Variants in MSH6 observed in about 807,000 individuals in gnomAD.
MSH6 encodes DNA mismatch repair protein Msh6.
Under a neutral mutation model 119.1 loss-of-function variants are expected in MSH6, and 85 were observed. That is an observed-to-expected ratio of 0.71 (90% CI 0.60 to 0.85). The LOEUF (loss-of-function observed/expected upper bound fraction) is 0.85, where lower values mean the gene tolerates loss of function less well. Among genes scored for constraint, MSH6 ranks in the 40% least tolerant of loss-of-function variants. The pLI is 0.00. For synonymous variants in MSH6, 830 were observed against 586.9 expected (o/e 1.41, Z -5.99); for missense variants, 2,163 against 1,655.3 (o/e 1.31, Z -5.32).
At position 47,783,275 on chromosome 2, in the gene MSH6, T is replaced by G. The variant is rs1668112357; in HGVS notation, c.42T>G (p.Ser14=). Residue 14 remains serine (S), a synonymous_variant, in exon 1 of 10, where the codon TCT becomes TCG. Coordinates refer to ENST00000234420, the MANE Select transcript of MSH6 (RefSeq NM_000179.3). ...CCCTGTACAGCTTCTTCCCCAAGTC[T>G]CCGGCGCTGAGTGATGCCAACAAGG... ...QSTLYSFFPK[S]PALSDANKAS... 6.2e-7 allele frequency: 1 copy of G among 1,612,144 alleles called. No homozygotes were observed. Among genetic ancestry groups the G allele is most frequent in the Non-Finnish European group, 8.5e-7 (1 of 1,179,580 alleles).
downstream of MSH6, chr2:47,808,094 G>A (rs181828069): frequency 3.8e-4 from 608 of 1,585,982 alleles, 1 homozygote; most frequent in Non-Finnish European, 4.9e-4. Context: ...TACAATGGCA[G>A]GACTTTTTCT....
chr2:47,784,136 G>A lies in MSH6; in HGVS notation c.260+643G>A. Reference sequence around the variant, plus strand: ...GGGCCGCCGAGGGGGTGGGCCACGAGCTGCGAGCGCGGGGGGGTGTGTCAC... The same window carrying A: ...GGGCCGCCGAGGGGGTGGGCCACGAACTGCGAGCGCGGGGGGGTGTGTCAC... On this transcript the variant is annotated intron_variant, in intron 1 of 9. Transcript: ENST00000234420. The A allele has an allele frequency of 3.0e-6, 3 of 1,005,382 alleles. No individual in the cohort carries two copies. The South Asian group carries it at 1.4e-4, about 47-fold the overall frequency. 62.3% of individuals were successfully genotyped at this position (1,005,382 alleles called of 1,614,324 possible).
intron 2 of MSH6, among the ~76,000 whole-genome samples, chr2:47,793,365 C>T (rs560381841): frequency 5.7e-4 from 82 of 144,542 alleles, no homozygotes; most frequent in African/African-American, 1.9e-3. Flanking sequence ...CACGGTGGCT[C>T]GCGCCTGTAA....
intron 2 of MSH6, among the ~76,000 whole-genome samples, chr2:47,792,605 C>T (rs1391452307): frequency 1.4e-4 from 21 of 152,200 alleles, no homozygotes; most frequent in Non-Finnish European, 2.1e-4. Flanking sequence ...CTGCCCACTT[C>T]GGCCTCCCAA....
intron 3 of MSH6, 57 bp from the exon 4 acceptor site, chr2:47,798,554 A>C: frequency 6.3e-7 from 1 of 1,576,110 alleles, no homozygotes; most frequent in Admixed American, 1.7e-5. Context: ...GAACTGTCTT[A>C]CATTATGGTT....
At position 47,798,814 on chromosome 2, in the gene MSH6, A is replaced by G. The variant is rs374486449; in HGVS notation, c.831A>G (p.Glu277=). 1 of 1,614,172 alleles carries G rather than the reference A, an allele frequency of 6.2e-7. No individual in the cohort carries two copies. Among genetic ancestry groups the G allele is most frequent in the Non-Finnish European group, 8.5e-7 (1 of 1,180,026 alleles). The stretch of plus-strand genomic sequence containing the variant: ...CTAAGGAGGAAGGAAGCAGTGATGA[A>G]ATAAGCAGTGGAGTGGGGGATAGTG... ...PDTKEEGSSD[E]ISSGVGDSES... The change falls in exon 4 of 10, where the codon GAA becomes GAG. Residue 277 remains glutamate, a synonymous_variant. Coordinates refer to ENST00000234420, the MANE Select transcript of MSH6 (RefSeq NM_000179.3).
At chr2:47,804,618 TAA>T (rs1273323482) in intron 5 of MSH6, among the ~76,000 whole-genome samples, 5 of 151,982 alleles carry the variant, frequency 3.3e-5, no homozygotes, top group African/African-American at 1.2e-4. Flanking sequence ...TCAGTAGTTT[TAA>T]AGAGCTCCTA....
intron 8 of MSH6, 21 bp from the exon 9 acceptor site, chr2:47,806,431 C>A (rs2104550062): frequency 6.2e-7 from 1 of 1,613,894 alleles, no homozygotes; most frequent in South Asian, 1.1e-5. Context: ...ACATGTATCG[C>A]TAATATTTTT....
chr2:47,789,297 A>T (rs1668580626), intron 1 of MSH6: 1 of 376,790 alleles, frequency 2.7e-6, no homozygotes, highest in Admixed American at 3.9e-5. Context: ...AAAGGATAAA[A>T]TGATGTTGAA....
chr2:47,799,288 G>T lies in MSH6; in HGVS notation c.1305G>T (p.Leu435=), dbSNP rs786203803. The change falls in exon 4 of 10, where the codon CTG becomes CTT. Residue 435 remains leucine (L), a synonymous_variant. Coordinates refer to ENST00000234420, the MANE Select transcript of MSH6 (RefSeq NM_000179.3). ...ICYKVGKFYE[L]YHMDALIGVS... ...ACAAGGTGGGGAAATTTTATGAGCT[G>T]TACCACATGGATGCTCTTATTGGAG... 6.2e-7 allele frequency: 1 copy of T among 1,613,948 alleles called. No individual in the cohort carries two copies. The highest frequency in any genetic ancestry group is 8.5e-7 in the Non-Finnish European group (1 of 1,180,018).
At position 47,799,621 on chromosome 2, in the gene MSH6, G is replaced by A. The variant is rs1669356333; in HGVS notation, c.1638G>A (p.Glu546=). ...ATCTTCTTAGCCTCAAAGAAAAAGA[G>A]GAAGATTCTTCTGGCCATACTCGTG... The part of the protein sequence containing the change: ...SKYLLSLKEK[E]EDSSGHTRAY... The change falls in exon 4 of 10, where the codon GAG becomes GAA. Residue 546 remains glutamate (E), a synonymous_variant. Coordinates refer to ENST00000234420, the MANE Select transcript of MSH6 (RefSeq NM_000179.3). The A allele has an allele frequency of 6.2e-7, 1 of 1,614,000 alleles. No individual in the cohort carries two copies. Among genetic ancestry groups the A allele is most frequent in the African/African-American group, 1.3e-5 (1 of 74,910 alleles).
intron 5 of MSH6, 148 bp downstream of exon 5, chr2:47,803,833 A>C: frequency 3.6e-6 from 3 of 840,272 alleles, no homozygotes; most frequent in Non-Finnish European, 5.7e-6. Flanking sequence ...TGTGTTATAA[A>C]ATTGAGAATT....
At position 47,795,855 on chromosome 2, in the gene MSH6, C is replaced by T. The variant is rs142060571; in HGVS notation, c.458-39C>T. ...CTGGGATTACAGGCGTGAGCCTCTG[C>T]ACCCGGCCCTTATTGTTTATAAATA... On this transcript the variant is annotated intron_variant, in intron 2 of 9. Transcript: ENST00000234420. 2,483 of 1,588,428 alleles carry T rather than the reference C, an allele frequency of 1.6e-3. 47 individuals are homozygous for T. The highest frequency in any genetic ancestry group is 1.4e-4 in the East Asian group (6 of 44,068).
chr2:47,784,071 C>A, intron 1 of MSH6: 2 of 1,009,522 alleles, frequency 2.0e-6, no homozygotes, highest in Non-Finnish European at 2.4e-6. Context: ...CCGCGGTCGC[C>A]GAGACGCCTT....
At position 47,803,552 on chromosome 2, in the gene MSH6, C is replaced by CT. The variant is rs267608092; in HGVS notation, c.3312dup (p.Gly1105TrpfsTer3). On this transcript the variant is annotated frameshift_variant, in exon 5 of 10. Transcript: ENST00000234420. LOFTEE classifies it high-confidence loss of function. ...TCACGCCATCCTTGCATTACGAAGA[C>CT]TTTTTTTGGAGATGATTTTATTCCT... is the stretch of plus-strand genomic sequence containing the variant. 1.2e-6 allele frequency: 2 copies of CT among 1,614,052 alleles called. No individual in the cohort carries two copies. Among genetic ancestry groups the CT allele is most frequent in the South Asian group, 1.1e-5 (1 of 91,068 alleles).
Position 47,805,012 on chromosome 2 carries a change from G to A in MSH6, c.3541G>A (p.Asp1181Asn), listed in dbSNP as rs762406364. The A allele has an allele frequency of 2.5e-6, 4 of 1,612,522 alleles. No individual in the cohort carries two copies. Among genetic ancestry groups the A allele is most frequent in the Non-Finnish European group, 3.4e-6 (4 of 1,178,674 alleles). Residue 1181 changes from aspartate (D) to asparagine (N), a missense_variant, in exon 6 of 10, where the codon GAC (aspartate) becomes AAC (asparagine). Physicochemically the swap from Asp to Asn is conservative, Grantham distance 23. Coordinates refer to ENST00000234420, the MANE Select transcript of MSH6 (RefSeq NM_000179.3). ...AGTGTTTACTAGACTTGGTGCCTCAGACAGAATAATGTCAGGTGAGTTTTT... is the reference window on the plus strand; with the variant it reads ...AGTGTTTACTAGACTTGGTGCCTCAAACAGAATAATGTCAGGTGAGTTTTT... Reference protein sequence around the residue: ...DRVFTRLGASDRIMSGESTFF... With the variant: ...DRVFTRLGASNRIMSGESTFF...
At position 47,806,349 on chromosome 2, in the gene MSH6, A is replaced by G. The variant is rs786202051; in HGVS notation, c.3792A>G (p.Leu1264=). 1.2e-6 allele frequency: 2 copies of G among 1,614,180 alleles called. No individual in the cohort carries two copies. Among genetic ancestry groups the G allele is most frequent in the South Asian group, 2.2e-5 (2 of 91,086 alleles). Residue 1264 remains leucine (L), a synonymous_variant, in exon 8 of 10, where the codon CTA becomes CTG. Coordinates refer to ENST00000234420, the MANE Select transcript of MSH6 (RefSeq NM_000179.3). ...EDYSQNVAVR[L]GHMACMVENE... ...ATTCTCAAAATGTTGCTGTGCGCCT[A>G]GGACATATGGTATGTGCAAATTGTT...
chr2:47,801,869 G>C (rs950583021), intron 4 of MSH6, among the ~76,000 whole-genome samples: 4 of 152,010 alleles, frequency 2.6e-5, no homozygotes, highest in Admixed American at 1.3e-4. Context: ...GGCTGGTCTT[G>C]AACTCCTGGC....
At chr2:47,803,395 TCA>T in intron 4 of MSH6, 23 bp from the exon 5 acceptor site, 1 of 1,614,072 alleles carries the variant, frequency 6.2e-7, no homozygotes, top group Non-Finnish European at 8.5e-7. Flanking sequence ...CGATGAAGCC[TCA>T]CTTTTACCCT....
Sources: allele counts gnomAD v4.1 joint callset (sites outside exome capture counted in the v4.1 genomes callset), GRCh38; gene constraint gnomAD v4.1.1; transcripts MANE v1.5; gene names NCBI Gene and HGNC (gene_info 2026-07-23, HGNC 2026-07-21).